The following UBE2E2 variants were observed in gnomAD, a reference collection of about 807,000 sequenced individuals.
UBE2E2 encodes the protein ubiquitin-conjugating enzyme E2 E2.
UBE2E2 carries 6 observed loss-of-function variants against 24.7 expected under a neutral mutation model. The ratio of observed to expected loss-of-function variants is 0.24; its 90% CI spans 0.13 to 0.48. The LOEUF (loss-of-function observed/expected upper bound fraction) is 0.48. UBE2E2 is among the 20% of genes least tolerant of loss of function. UBE2E2 has a pLI of 0.99. For synonymous variants in UBE2E2, 104 were observed against 83.6 expected (o/e 1.24, Z -1.33); for missense variants, 169 against 245.0 (o/e 0.69, Z 2.07).
At chr3:23,443,423 C>T (rs182926816) in intron 3 of UBE2E2, among the ~76,000 whole-genome samples, 1 of 152,162 alleles carries the variant, frequency 6.6e-6, no homozygotes, top group South Asian at 2.1e-4. Flanking sequence ...CCTGCCACCA[C>T]TCAGTCCTGT....
chr3:23,422,061 T>C (rs941492973), intron 3 of UBE2E2, among the ~76,000 whole-genome samples: 3 of 152,214 alleles, frequency 2.0e-5, no homozygotes, highest in Non-Finnish European at 2.9e-5. Context: ...CAAAATATCC[T>C]CTAATGAGCT....
chr3:23,549,880 CTAAT>C (rs1298432736), intron 5 of UBE2E2, among the ~76,000 whole-genome samples: 2 of 151,772 alleles, frequency 1.3e-5, no homozygotes, highest in African/African-American at 4.8e-5. Context: ...TAAAAATACA[CTAAT>C]TAGCTGAGCG....
chr3:23,278,529 G>A (rs1698418648), intron 3 of UBE2E2, among the ~76,000 whole-genome samples: 1 of 152,086 alleles, frequency 6.6e-6, no homozygotes, highest in South Asian at 2.1e-4. Context: ...ACTTTGAGGA[G>A]TTTTAAATGC....
intron 3 of UBE2E2, among the ~76,000 whole-genome samples, chr3:23,398,333 A>C (rs1030824140): frequency 6.6e-6 from 1 of 150,630 alleles, no homozygotes; most frequent in Admixed American, 6.6e-5. Context: ...ACAAAAAAAA[A>C]CTTGGAAAGT....
chr3:23,311,761 A>G (rs1320715084), intron 3 of UBE2E2, among the ~76,000 whole-genome samples: 2 of 152,130 alleles, frequency 1.3e-5, no homozygotes, highest in African/African-American at 2.4e-5. Flanking sequence ...TCGTGGGTAC[A>G]TAGTAGGTAT....
Position 23,332,711 on chromosome 3 carries a change from G to C in UBE2E2, c.227+115399G>C, listed in dbSNP as rs1056814706. On this transcript the variant is annotated intron_variant, in intron 3 of 5. Transcript: ENST00000396703. ...TGTGTGTGTGTGTGTGTGTGTGTGT[G>C]TGTGTGTGCAGCTATGGATATCTCT... Among the ~76,000 whole-genome samples the C allele has an allele frequency of 2.7e-5, 4 of 150,434 alleles. No homozygotes were observed. In the South Asian group the frequency reaches 6.3e-4, roughly 24 times the overall value.
intron 4 of UBE2E2, among the ~76,000 whole-genome samples, chr3:23,526,658 T>G (rs1695005867): frequency 6.6e-6 from 1 of 152,174 alleles, no homozygotes; most frequent in Admixed American, 6.5e-5. Flanking sequence ...ACATAACACT[T>G]CTTAAAACTT....
At chr3:23,217,153 C>A in intron 2 of UBE2E2, 109 bp from the exon 3 acceptor site, 1 of 1,064,794 alleles carries the variant, frequency 9.4e-7, no homozygotes, top group Non-Finnish European at 1.4e-6. Flanking sequence ...ATTAGTATTT[C>A]AAACTAATAT....
At chr3:23,507,539 AC>A (rs1478240089) in intron 4 of UBE2E2, among the ~76,000 whole-genome samples, 1 of 152,292 alleles carries the variant, frequency 6.6e-6, no homozygotes, top group East Asian at 1.9e-4. Context: ...AATGTTTATT[AC>A]CCCCACTTCA....
chr3:23,339,386 A>C (rs1695319226), intron 3 of UBE2E2, among the ~76,000 whole-genome samples: 1 of 152,114 alleles, frequency 6.6e-6, no homozygotes, highest in Non-Finnish European at 1.5e-5. Flanking sequence ...AAATTTGAAT[A>C]AGGTTTATAG....
At chr3:23,203,890 C>T (rs974200759) in intron 1 of UBE2E2, among the ~76,000 whole-genome samples, 4 of 152,170 alleles carry the variant, frequency 2.6e-5, no homozygotes, top group African/African-American at 9.6e-5. Flanking sequence ...ATAATTGCTG[C>T]ACATGGTGTG....
At chr3:23,399,127 C>T (rs1697151061) in intron 3 of UBE2E2, among the ~76,000 whole-genome samples, 1 of 152,084 alleles carries the variant, frequency 6.6e-6, no homozygotes, top group South Asian at 2.1e-4. Context: ...CTTTTTCCTT[C>T]TTTATAATTT....
At chr3:23,526,640 A>T (rs1395319744) in intron 4 of UBE2E2, among the ~76,000 whole-genome samples, 1 of 152,232 alleles carries the variant, frequency 6.6e-6, no homozygotes, top group African/African-American at 2.4e-5. Context: ...ACATTTCAAT[A>T]GATAAACACA....
intron 3 of UBE2E2, among the ~76,000 whole-genome samples, chr3:23,310,763 A>G (rs1694358807): frequency 1.3e-5 from 2 of 151,960 alleles, no homozygotes; most frequent in Non-Finnish European, 2.9e-5. Context: ...CACATAAAAG[A>G]TAATGTCAGT....
intron 5 of UBE2E2, among the ~76,000 whole-genome samples, chr3:23,540,394 T>G (rs1695366478): frequency 6.7e-6 from 1 of 150,342 alleles, no homozygotes; most frequent in Admixed American, 6.6e-5. Flanking sequence ...GCCCTTTTGT[T>G]TGTTTGTTTG....
At chr3:23,353,887 T>C (rs1419998038) in intron 3 of UBE2E2, among the ~76,000 whole-genome samples, 4 of 151,878 alleles carry the variant, frequency 2.6e-5, no homozygotes, top group Non-Finnish European at 5.9e-5. Context: ...AAAACACTAC[T>C]TTAAAGTTCA....
At chr3:23,431,926 G>A (rs765003797) in intron 3 of UBE2E2, among the ~76,000 whole-genome samples, 2 of 152,142 alleles carry the variant, frequency 1.3e-5, no homozygotes, top group African/African-American at 4.8e-5. Flanking sequence ...ATTAGAAGAT[G>A]ATGATCTAAG....
intron 3 of UBE2E2, among the ~76,000 whole-genome samples, chr3:23,303,887 C>T (rs765429647): frequency 3.3e-5 from 5 of 152,132 alleles, no homozygotes; most frequent in Non-Finnish European, 7.3e-5. Flanking sequence ...ATACCGTTAA[C>T]CCTGCTCTCC....
At chr3:23,270,101 C>G (rs1472575216) in intron 3 of UBE2E2, among the ~76,000 whole-genome samples, 2 of 151,566 alleles carry the variant, frequency 1.3e-5, no homozygotes, top group African/African-American at 2.4e-5. Flanking sequence ...TAGGCAGGTC[C>G]CTGCCTCTGG....
Sources: allele counts gnomAD v4.1 joint callset (sites outside exome capture counted in the v4.1 genomes callset), GRCh38; gene constraint gnomAD v4.1.1; transcripts MANE v1.5; gene names NCBI Gene and HGNC (gene_info 2026-07-23, HGNC 2026-07-21).